The following ARMC2 variants were observed in gnomAD, a reference collection of about 807,000 sequenced individuals.
The protein encoded by ARMC2 is armadillo repeat containing 2.
Under a neutral mutation model 90.3 loss-of-function variants are expected in ARMC2, and 67 were observed. That is an observed-to-expected ratio of 0.74 (90% confidence interval 0.61 to 0.91). The LOEUF (loss-of-function observed/expected upper bound fraction) is 0.91. Among genes scored for constraint, ARMC2 ranks in the 40% least tolerant of loss-of-function variants. The pLI is 0.00. For missense variants in ARMC2, 920 were observed against 1,030.9 expected (o/e 0.89, Z 1.47); for synonymous variants, 393 against 393.0 (o/e 1.00, Z 0.00).
intron 15 of ARMC2, among the ~76,000 whole-genome samples, chr6:108,963,564 TC>T (rs1433867713): frequency 6.6e-6 from 1 of 152,162 alleles, no homozygotes; most frequent in Non-Finnish European, 1.5e-5. Context: ...TACTCACTCT[TC>T]CCCAACCCTT....
At chr6:108,871,946 G>T (rs941050213) in intron 4 of ARMC2, among the ~76,000 whole-genome samples, 2 of 152,176 alleles carry the variant, frequency 1.3e-5, no homozygotes, top group Non-Finnish European at 2.9e-5. Context: ...GCAACAAAAA[G>T]TCATTGTTAT....
intron 1 of ARMC2, among the ~76,000 whole-genome samples, chr6:108,853,608 A>G (rs1242183383): frequency 1.3e-5 from 2 of 152,188 alleles, no homozygotes; most frequent in Non-Finnish European, 2.9e-5. Flanking sequence ...CTGCATTCTC[A>G]TGGCCCTTGT....
At chr6:108,949,684 A>C (rs147896660) in intron 12 of ARMC2, among the ~76,000 whole-genome samples, 1 of 152,362 alleles carries the variant, frequency 6.6e-6, no homozygotes, top group East Asian at 1.9e-4. Flanking sequence ...ACCAACTCAG[A>C]GCCCAGGGCA....
chr6:108,910,754 T>G (rs755470797), intron 8 of ARMC2, 145 bp from the exon 9 acceptor site: 3 of 483,304 alleles, frequency 6.2e-6, no homozygotes, highest in Non-Finnish European at 1.1e-5. Flanking sequence ...ATATGTGGTC[T>G]AAATTTTTCA....
chr6:108,938,761 T>C, intron 12 of ARMC2, among the ~76,000 whole-genome samples: 1 of 152,148 alleles, frequency 6.6e-6, no homozygotes, highest in South Asian at 2.1e-4. Flanking sequence ...AATCTATAAT[T>C]TTTTTAAGGA....
intron 7 of ARMC2, among the ~76,000 whole-genome samples, chr6:108,901,085 C>T (rs1312528013): frequency 1.5e-5 from 2 of 132,444 alleles, no homozygotes; most frequent in East Asian, 2.5e-4. Flanking sequence ...AGCCTTCCTA[C>T]AGGAAAGAAG....
At chr6:108,912,014 T>C (rs1352093175) in intron 9 of ARMC2, among the ~76,000 whole-genome samples, 2 of 152,166 alleles carry the variant, frequency 1.3e-5, no homozygotes, top group Non-Finnish European at 2.9e-5. Flanking sequence ...TTATTAGTAT[T>C]CTATGACTCA....
At chr6:108,923,064 A>G (rs969749724) in intron 10 of ARMC2, 9 of 152,140 alleles carry the variant, frequency 5.9e-5, no homozygotes, top group African/African-American at 2.2e-4. Flanking sequence ...TGCAAGTCCC[A>G]CAGGATTGCA....
In ARMC2 at chr6:108,888,454, AT is replaced by A. The variant is rs138257900; in HGVS notation, c.672-6012del. On this transcript the variant is annotated intron_variant, in intron 5 of 17. Transcript: ENST00000392644. ...GATTTAAACCATAGGAGATGACTTT[AT>A]GTGGGGAATGCAACATCTTTAAATA... is the stretch of plus-strand genomic sequence containing the variant. Among the ~76,000 whole-genome samples, 938 of 152,342 alleles carry A rather than the reference AT, an allele frequency of 6.2e-3. 5 individuals are homozygous for A. Among genetic ancestry groups the A allele is most frequent in the Non-Finnish European group, 9.4e-3 (637 of 68,034 alleles).
intron 3 of ARMC2, among the ~76,000 whole-genome samples, chr6:108,858,728 TA>T (rs1048121020): frequency 3.7e-4 from 56 of 152,200 alleles, no homozygotes; most frequent in Non-Finnish European, 7.6e-4. Flanking sequence ...ACAAAAAAAC[TA>T]ACAAAAATCC....
the ARMC2 span, among the ~76,000 whole-genome samples, chr6:109,051,205 A>G: frequency 6.6e-6 from 1 of 152,234 alleles, no homozygotes; most frequent in African/African-American, 2.4e-5. Context: ...TGATGGTTTA[A>G]AACTTCTTTT....
intron 17 of ARMC2, among the ~76,000 whole-genome samples, chr6:108,965,968 A>C (rs1413702086): frequency 6.6e-6 from 1 of 150,890 alleles, no homozygotes; most frequent in Admixed American, 6.6e-5. Context: ...CATTTTTTAC[A>C]TTTAAAAAAT....
At chr6:109,052,306 T>TA in the ARMC2 span, among the ~76,000 whole-genome samples, 2,708 of 152,286 alleles carry the variant, frequency 0.018, 77 homozygotes, top group African/African-American at 0.062. Flanking sequence ...ATTTTAAAGA[T>TA]AATTTTTGTT....
chr6:108,914,048 A>T (rs1017865768), intron 10 of ARMC2, among the ~76,000 whole-genome samples: 1 of 152,200 alleles, frequency 6.6e-6, no homozygotes, highest in African/African-American at 2.4e-5. Context: ...TTAAATTTTT[A>T]TGTAACAGCT....
chr6:108,950,785 AAGAG>A (rs1365834212), intron 12 of ARMC2, among the ~76,000 whole-genome samples: 3 of 152,204 alleles, frequency 2.0e-5, no homozygotes, highest in Non-Finnish European at 2.9e-5. Flanking sequence ...AAGTTAAAAA[AAGAG>A]AGAGACTTGT....
chr6:108,901,221 C>T (rs1216858585), intron 7 of ARMC2, among the ~76,000 whole-genome samples: 1 of 136,982 alleles, frequency 7.3e-6, no homozygotes, highest in African/African-American at 2.7e-5. Flanking sequence ...TCAAGCTATT[C>T]TCCTGCCTCA....
At chr6:108,881,488 C>T (rs1777579296) in intron 5 of ARMC2, among the ~76,000 whole-genome samples, 1 of 152,060 alleles carries the variant, frequency 6.6e-6, no homozygotes. Flanking sequence ...AGACCTTGAG[C>T]AAGAAACAGA....
intron 6 of ARMC2, among the ~76,000 whole-genome samples, chr6:108,894,873 TCTC>T (rs1771446247): frequency 6.7e-6 from 1 of 150,106 alleles, no homozygotes; most frequent in African/African-American, 2.4e-5. Context: ...TTCATGCCAT[TCTC>T]CTGCCTCAGC....
chr6:109,042,353 A>G, the ARMC2 span, among the ~76,000 whole-genome samples: 1 of 151,994 alleles, frequency 6.6e-6, no homozygotes, highest in Admixed American at 6.5e-5. Context: ...ATAATAAAGA[A>G]CAAACATCAA....
Sources: allele counts gnomAD v4.1 joint callset (sites outside exome capture counted in the v4.1 genomes callset), GRCh38; gene constraint gnomAD v4.1.1; transcripts MANE v1.5; gene names NCBI Gene and HGNC (gene_info 2026-07-23, HGNC 2026-07-21).